The following FUBP1 variants were observed in gnomAD, a reference collection of about 807,000 sequenced individuals.
FUBP1 encodes far upstream element-binding protein 1.
A neutral mutation model predicts 94.9 loss-of-function variants in FUBP1; 16 were observed. The observed-to-expected ratio is 0.17, with a 90% CI of 0.11 to 0.26. FUBP1 has a LOEUF of 0.26. FUBP1 is among the 10% of genes least tolerant of loss of function. The pLI is 1.00. For synonymous variants in FUBP1, 279 were observed against 254.9 expected (o/e 1.09, Z -0.90); for missense variants, 583 against 808.6 (o/e 0.72, Z 3.38).
Position 77,968,663 on chromosome 1 carries a change from A to C in FUBP1, c.212-460T>G, listed in dbSNP as rs553032639. 2.0e-3 allele frequency among the ~76,000 whole-genome samples: 307 copies of C among 151,426 alleles called. 2 individuals carry two copies. Among genetic ancestry groups the C allele is most frequent in the Non-Finnish European group, 2.7e-3 (180 of 67,758 alleles). ...TGCCCAAAAAAAAAAAAACAAAAAA[A>C]CCCCCCACAACATTACAAGGCAATC... On this transcript the variant is annotated intron_variant, in intron 2 of 19. Transcript: ENST00000370768.
Position 77,955,341 on chromosome 1 carries a change from A to G in FUBP1, c.1706-12T>C. ...ATTCTGCTGATCTCCTTGTTCAAGCAAAACAAAACAAAAAACAGAATTAAA... is the reference window on the plus strand; with the variant it reads ...ATTCTGCTGATCTCCTTGTTCAAGCGAAACAAAACAAAAAACAGAATTAAA... On this transcript the variant is annotated splice_polypyrimidine_tract_variant and intron_variant, in intron 17 of 19. Transcript: ENST00000370768. 8 of 1,517,694 alleles carry G rather than the reference A, an allele frequency of 5.3e-6. No homozygotes were observed. Among genetic ancestry groups the G allele is most frequent in the Non-Finnish European group, 7.3e-6 (8 of 1,095,312 alleles). The allele number at this position is 1,517,694 out of a possible 1,614,324, so 94.0% of individuals were successfully genotyped here. A position where few individuals can be genotyped will look rare whatever the true frequency, so the allele number is the denominator to read the frequency against.
intron 19 of FUBP1, 166 bp from the exon 20 acceptor site, chr1:77,948,940 A>T (rs1359914937): frequency 9.3e-7 from 1 of 1,070,914 alleles, no homozygotes; most frequent in East Asian, 2.6e-5. Context: ...TTATTTTTAA[A>T]ATCAAAGGCA....
At chr1:77,958,089 G>C (rs1262134643) in intron 16 of FUBP1, among the ~76,000 whole-genome samples, 1 of 152,116 alleles carries the variant, frequency 6.6e-6, no homozygotes, top group Non-Finnish European at 1.5e-5. Context: ...ATGGCGTCTG[G>C]CCATTATCTG....
chr1:77,946,308 TTAA>T lies in FUBP1; in HGVS notation c.*2455_*2457del, dbSNP rs1280783733. 9.9e-5 allele frequency among the ~76,000 whole-genome samples: 15 copies of T among 151,464 alleles called. No homozygotes were observed. Among genetic ancestry groups the T allele is most frequent in the Non-Finnish European group, 2.2e-4 (15 of 67,762 alleles). On this transcript the variant is annotated 3_prime_UTR_variant, in exon 20 of 20. Coordinates refer to ENST00000370768, the MANE Select transcript of FUBP1 (RefSeq NM_003902.5). ...GCAATCTACTCATCATTTTCTTGTC[TTAA>T]TAAAAAAAAAAAAGTAAAATAAAAA...
intron 1 of FUBP1, among the ~76,000 whole-genome samples, chr1:77,972,032 T>G (rs1291897925): frequency 6.6e-6 from 1 of 151,420 alleles, no homozygotes; most frequent in Non-Finnish European, 1.5e-5. Flanking sequence ...AAAGGTAAAT[T>G]CTCGCTTTGG....
In FUBP1 at chr1:77,966,974, ATTTT is replaced by A; in HGVS notation, c.344-23_344-20del. On this transcript the variant is annotated intron_variant, in intron 5 of 19. Coordinates refer to ENST00000370768, the MANE Select transcript of FUBP1 (RefSeq NM_003902.5). ...CCAATTACTAGTTAGAAAAAAAAAA[ATTTT>A]TTTTTTGGTTGAAAGATTCTAAAGT... The A allele has an allele frequency of 2.7e-6, 4 of 1,459,046 alleles. No homozygotes were observed. Among genetic ancestry groups the A allele is most frequent in the Non-Finnish European group, 3.8e-6 (4 of 1,053,422 alleles). 90.4% of individuals were successfully genotyped at this position (1,459,046 alleles called of 1,614,324 possible).
In FUBP1 at chr1:77,963,593, A is replaced by C; in HGVS notation, c.1164T>G (p.Thr388=). ...EFNFIVPTGK[T]GLIIGKGGET... ...CATTGCCTTTTCCTATTATTAATCC[A>C]GTTTTCCCAGTTGGCACAATAAAAT... The change falls in exon 13 of 20, where the codon ACT becomes ACG. Residue 388 remains threonine, a synonymous_variant. Transcript: ENST00000370768. The C allele has an allele frequency of 6.3e-7, 1 of 1,585,022 alleles. No individual in the cohort carries two copies. Among genetic ancestry groups the C allele is most frequent in the Non-Finnish European group, 8.7e-7 (1 of 1,153,800 alleles).
intron 3 of FUBP1, 36 bp from the exon 4 acceptor site, chr1:77,967,702 C>T: frequency 7.7e-7 from 1 of 1,290,358 alleles, no homozygotes; most frequent in Admixed American, 1.8e-5. Context: ...AACAAAAATT[C>T]AAAATTTAAA....
intron 2 of FUBP1, among the ~76,000 whole-genome samples, 169 bp downstream of exon 2, chr1:77,969,756 A>C (rs1015903771): frequency 2.0e-5 from 3 of 152,038 alleles, no homozygotes; most frequent in African/African-American, 7.2e-5. Context: ...TTCAAATTTT[A>C]CTTACCTTGT....
At chr1:77,978,315 T>C (rs1269582388) in intron 1 of FUBP1, among the ~76,000 whole-genome samples, 3 of 152,072 alleles carry the variant, frequency 2.0e-5, no homozygotes, top group Non-Finnish European at 4.4e-5. Flanking sequence ...TTTTGAGAAA[T>C]AAGGGGGGCG....
chr1:77,960,063 T>A, intron 16 of FUBP1, 121 bp downstream of exon 16: 1 of 716,510 alleles, frequency 1.4e-6, no homozygotes, highest in South Asian at 1.7e-5. Flanking sequence ...CCTAACACTG[T>A]TGAAAGAGTA....
intron 18 of FUBP1, among the ~76,000 whole-genome samples, chr1:77,950,203 C>T (rs968461453): frequency 2.6e-5 from 4 of 152,212 alleles, no homozygotes; most frequent in Admixed American, 2.0e-4. Flanking sequence ...CTCTGCCACC[C>T]AGGCTGGAGT....
At chr1:77,979,322 T>C (rs1231985111), upstream of FUBP1, 1 of 327,054 alleles carries the variant, frequency 3.1e-6, no homozygotes, top group African/African-American at 2.1e-5. Flanking sequence ...TCCTGCAGGG[T>C]GGTGGGTGAT....
rs1557437406 is a variant in FUBP1, at chr1:77,960,244, C to T, written c.1516G>A (p.Ala506Thr). 3 of 1,612,104 alleles carry T rather than the reference C, an allele frequency of 1.9e-6. No individual in the cohort carries two copies. The Admixed American group carries it at 5.0e-5, about 27-fold the overall frequency. The change falls in exon 16 of 20, where the codon GCT becomes ACT. Residue 506 changes from alanine to threonine, a missense_variant. By Grantham distance (58) the Ala-to-Thr change is moderately conservative. Coordinates refer to ENST00000370768, the MANE Select transcript of FUBP1 (RefSeq NM_003902.5). Reference protein sequence around the residue: ...PAPHGPPAPYAPQGWGNAYPH... With the variant: ...PAPHGPPAPYTPQGWGNAYPH... ...TATGCATTTCCCCATCCCTGGGGAG[C>T]ATATGGGGCTGGAGGACCACTGAAA...
chr1:77,976,396 T>G (rs953051460), intron 1 of FUBP1, among the ~76,000 whole-genome samples: 40 of 152,226 alleles, frequency 2.6e-4, no homozygotes, highest in African/African-American at 8.7e-4. Flanking sequence ...TCAGGACAAC[T>G]GATCTATTAG....
intron 1 of FUBP1, among the ~76,000 whole-genome samples, chr1:77,971,493 A>G (rs1436824636): frequency 1.3e-5 from 2 of 152,182 alleles, no homozygotes; most frequent in African/African-American, 2.4e-5. Context: ...ATCAGTTCCC[A>G]TATACTAACT....
At chr1:77,967,727 T>A in intron 3 of FUBP1, 61 bp from the exon 4 acceptor site, 1 of 972,042 alleles carries the variant, frequency 1.0e-6, no homozygotes, top group Non-Finnish European at 1.6e-6. Flanking sequence ...CTTATATATT[T>A]AACAACACAA....
At chr1:77,978,397 G>T (rs1472359183) in intron 1 of FUBP1, among the ~76,000 whole-genome samples, 1 of 152,240 alleles carries the variant, frequency 6.6e-6, no homozygotes, top group Non-Finnish European at 1.5e-5. Context: ...CCTTGTAGAG[G>T]TGTGACGGTG....
chr1:77,974,120 T>C (rs987787956), intron 1 of FUBP1, among the ~76,000 whole-genome samples: 1 of 149,734 alleles, frequency 6.7e-6, no homozygotes, highest in African/African-American at 2.5e-5. Context: ...CCACCACGTC[T>C]GGCTAATTTT....
Sources: allele counts gnomAD v4.1 joint callset (sites outside exome capture counted in the v4.1 genomes callset), GRCh38; gene constraint gnomAD v4.1.1; transcripts MANE v1.5; gene names NCBI Gene and HGNC (gene_info 2026-07-23, HGNC 2026-07-21).